The following GRID2 variants were observed in gnomAD, a reference collection of about 807,000 sequenced individuals.
GRID2 encodes the protein glutamate ionotropic receptor delta type subunit 2, also known as glutamate receptor ionotropic, delta-2.
A neutral mutation model predicts 114.8 loss-of-function variants in GRID2; 33 were observed. The observed-to-expected ratio is 0.29, with a 90% CI of 0.22 to 0.38. The LOEUF is 0.38. Ranked by LOEUF, GRID2 falls within the 10% of genes least tolerant of loss-of-function variation. The pLI, the probability that GRID2 is intolerant of heterozygous loss-of-function variation, is 1.00. For synonymous variants in GRID2, 505 were observed against 449.9 expected (o/e 1.12, Z -1.55); for missense variants, 1,184 against 1,257.7 (o/e 0.94, Z 0.89).
At chr4:93,654,803 A>G (rs995812014) in intron 14 of GRID2, among the ~76,000 whole-genome samples, 32 of 152,146 alleles carry the variant, frequency 2.1e-4, no homozygotes, top group African/African-American at 7.5e-4. Flanking sequence ...TCAGTGAGTA[A>G]GTGAGTATCA....
At chr4:93,226,679 A>C (rs555715858) in intron 7 of GRID2, among the ~76,000 whole-genome samples, 1 of 151,832 alleles carries the variant, frequency 6.6e-6, no homozygotes, top group Non-Finnish European at 1.5e-5. Flanking sequence ...TCCAGTAGTC[A>C]TTGCCCTAGT....
At chr4:92,415,695 T>G (rs1731562375) in intron 1 of GRID2, among the ~76,000 whole-genome samples, 1 of 147,658 alleles carries the variant, frequency 6.8e-6, no homozygotes, top group African/African-American at 2.5e-5. Context: ...TGTATGTGTG[T>G]GTGCATGCGC....
At chr4:92,984,917 C>T (rs747577687) in intron 2 of GRID2, among the ~76,000 whole-genome samples, 1 of 151,926 alleles carries the variant, frequency 6.6e-6, no homozygotes, top group Non-Finnish European at 1.5e-5. Flanking sequence ...TTTTTTCTCT[C>T]ACTGCTTCTT....
At chr4:93,095,487 A>G (rs1209892438) in intron 3 of GRID2, among the ~76,000 whole-genome samples, 5 of 152,112 alleles carry the variant, frequency 3.3e-5, no homozygotes, top group Non-Finnish European at 7.4e-5. Flanking sequence ...AGAATAAAAC[A>G]CAAAGAATTT....
intron 1 of GRID2, among the ~76,000 whole-genome samples, chr4:92,428,230 C>T (rs919819645): frequency 6.6e-6 from 1 of 151,962 alleles, no homozygotes; most frequent in Non-Finnish European, 1.5e-5. Flanking sequence ...CCACTGCACT[C>T]CAGCCTGGGC....
chr4:93,154,328 C>T (rs1293345035), intron 4 of GRID2, among the ~76,000 whole-genome samples: 2 of 151,894 alleles, frequency 1.3e-5, no homozygotes, highest in Admixed American at 6.6e-5. Flanking sequence ...TTCCAGAGAC[C>T]TAAGATTTTG....
chr4:92,337,968 C>G (rs1292221452), intron 1 of GRID2, among the ~76,000 whole-genome samples: 2 of 152,082 alleles, frequency 1.3e-5, no homozygotes, highest in African/African-American at 4.8e-5. Flanking sequence ...ATGTGTGTGT[C>G]TGTGTATAAG....
chr4:92,702,489 G>C (rs1374493593), intron 2 of GRID2: 1 of 151,938 alleles, frequency 6.6e-6, no homozygotes, highest in Admixed American at 6.6e-5. Context: ...TCAACCATTT[G>C]CTGATGCAAT....
At chr4:92,710,208 T>A (rs1166725352) in intron 2 of GRID2, among the ~76,000 whole-genome samples, 1 of 152,164 alleles carries the variant, frequency 6.6e-6, no homozygotes, top group Admixed American at 6.5e-5. Flanking sequence ...GCCACTTCAA[T>A]GTGCAACTGA....
chr4:92,895,550 GA>G, intron 2 of GRID2, among the ~76,000 whole-genome samples: 1 of 151,726 alleles, frequency 6.6e-6, no homozygotes, highest in East Asian at 1.9e-4. Flanking sequence ...TGGGATCAAT[GA>G]AAAAGGATGT....
chr4:92,744,394 A>G (rs760741856), intron 2 of GRID2, among the ~76,000 whole-genome samples: 3 of 151,776 alleles, frequency 2.0e-5, no homozygotes, highest in Non-Finnish European at 4.4e-5. Context: ...AGACTGAGGC[A>G]GGAGAATTCC....
chr4:92,328,248 A>G (rs928554861), intron 1 of GRID2, among the ~76,000 whole-genome samples: 1 of 152,062 alleles, frequency 6.6e-6, no homozygotes, highest in African/African-American at 2.4e-5. Context: ...TCTTCTCTGC[A>G]GGAGTACCAG....
At chr4:93,810,138 G>T (rs764050698) in exon 2 of GRID2, 1 of 152,086 alleles carries the variant, frequency 6.6e-6, no homozygotes, top group Admixed American at 6.6e-5. Context: ...AGTCACCTAC[G>T]GCCACACGTT....
At position 92,485,333 on chromosome 4, in the gene GRID2, TATATATATATATATA is replaced by T. The variant is rs1395497554; in HGVS notation, c.89-104797_89-104783del. Among the ~76,000 whole-genome samples the T allele has an allele frequency of 1.3e-3, 132 of 100,978 alleles. 3 individuals are homozygous for T. The highest frequency in any genetic ancestry group is 4.4e-3 in the African/African-American group (126 of 28,744). 66.2% of individuals were successfully genotyped at this position (100,978 alleles called of 152,430 possible). On this transcript the variant is annotated intron_variant, in intron 1 of 15. Coordinates refer to ENST00000282020, the MANE Select transcript of GRID2 (RefSeq NM_001510.4). ...ATATATATATATATATATATATATA[TATATATATATATATA>T]GTGTGTGTGTGTGTGTGTGTGAGTG...
intron 2 of GRID2, among the ~76,000 whole-genome samples, chr4:92,915,828 G>GT (rs1553947745): frequency 2.0e-5 from 3 of 151,932 alleles, no homozygotes; most frequent in Non-Finnish European, 4.4e-5. Context: ...GATGTTCAGC[G>GT]TTTTTTCATA....
At chr4:92,419,578 G>C (rs1311736018) in intron 1 of GRID2, among the ~76,000 whole-genome samples, 1 of 152,034 alleles carries the variant, frequency 6.6e-6, no homozygotes, top group Admixed American at 6.6e-5. Flanking sequence ...TAGGTGATTG[G>C]GCAGGTTCAA....
At chr4:93,364,370 A>G (rs1478386141) in intron 8 of GRID2, among the ~76,000 whole-genome samples, 1 of 152,140 alleles carries the variant, frequency 6.6e-6, no homozygotes, top group Non-Finnish European at 1.5e-5. Flanking sequence ...TTTAATATAT[A>G]AACTATCATA....
intron 2 of GRID2, among the ~76,000 whole-genome samples, chr4:92,698,697 T>C (rs887828339): frequency 2.6e-5 from 4 of 151,744 alleles, no homozygotes; most frequent in Non-Finnish European, 5.9e-5. Context: ...AATTCATAAA[T>C]ATATTATTTT....
At chr4:93,264,902 C>A (rs2149556099) in intron 8 of GRID2, among the ~76,000 whole-genome samples, 1 of 151,466 alleles carries the variant, frequency 6.6e-6, no homozygotes, top group South Asian at 2.1e-4. Flanking sequence ...CTTGCCTCAG[C>A]CTCTCAAGTA....
Sources: allele counts gnomAD v4.1 joint callset (sites outside exome capture counted in the v4.1 genomes callset), GRCh38; gene constraint gnomAD v4.1.1; transcripts MANE v1.5; gene names NCBI Gene and HGNC (gene_info 2026-07-23, HGNC 2026-07-21).